The following SLC19A1 variants were observed in gnomAD, a reference collection of about 807,000 sequenced individuals.
SLC19A1 encodes solute carrier family 19 member 1.
In SLC19A1, 37 loss-of-function variants were observed where a neutral mutation model predicts 35.3. The ratio of observed to expected loss-of-function variants is 1.05; its 90% confidence interval spans 0.81 to 1.38. The LOEUF (loss-of-function observed/expected upper bound fraction) is 1.38. Ranked by LOEUF, SLC19A1 falls within the 40% of genes most tolerant of loss-of-function variation. SLC19A1 has a pLI of 0.00. For synonymous variants in SLC19A1, 460 were observed against 398.5 expected (o/e 1.15, Z -1.84); for missense variants, 831 against 826.9 (o/e 1.00, Z -0.06).
At chr21:45,508,290 AGG>A (rs2037356675), downstream of SLC19A1, among the ~76,000 whole-genome samples, 1 of 113,746 alleles carries the variant, frequency 8.8e-6, no homozygotes, top group Non-Finnish European at 1.8e-5. Context: ...GTAGATGGGG[AGG>A]TGGATGGGTG....
intron 4 of SLC19A1, among the ~76,000 whole-genome samples, chr21:45,529,345 C>T (rs1216100258): frequency 6.6e-6 from 1 of 152,192 alleles, no homozygotes; most frequent in South Asian, 2.1e-4. Context: ...TCAGCTCAAA[C>T]AGGCTCGTGA....
downstream of SLC19A1, chr21:45,510,047 C>A: frequency 6.5e-7 from 1 of 1,545,058 alleles, no homozygotes. Flanking sequence ...GCCCGTGACG[C>A]GCCCCTCTCC....
intron 2 of SLC19A1, among the ~76,000 whole-genome samples, chr21:45,532,836 T>C (rs914232): frequency 0.53 from 80,826 of 152,110 alleles, 21,941 homozygotes; most frequent in South Asian, 0.62. Context: ...AGCACAAGCT[T>C]CTTCCATCCT....
chr21:45,503,305 A>G (rs1333459140), intron 3 of SLC19A1, among the ~76,000 whole-genome samples: 1 of 151,870 alleles, frequency 6.6e-6, no homozygotes. Context: ...TTTGATTTGC[A>G]TTTCTCTGAT....
chr21:45,515,418 T>C lies in SLC19A1; in HGVS notation c.*240A>G. ...TGGACGCAGAAGCCCACCACCCACC[T>C]CTTCCAGCAACAAAGCCCGCGGGGC... On this transcript the variant is annotated 3_prime_UTR_variant, in exon 6 of 6. Transcript: ENST00000311124. The C allele has an allele frequency of 1.4e-6, 2 of 1,406,668 alleles. No homozygotes were observed. The highest frequency in any genetic ancestry group is 3.1e-5 in the Admixed American group (1 of 31,852). 87.1% of individuals were successfully genotyped at this position (1,406,668 alleles called of 1,614,324 possible).
intron 1 of SLC19A1, among the ~76,000 whole-genome samples, chr21:45,557,981 C>T (rs981509910): frequency 6.6e-6 from 1 of 152,244 alleles, no homozygotes; most frequent in Non-Finnish European, 1.5e-5. Context: ...CTCCATTCTT[C>T]GGAGGGCATG....
chr21:45,504,974 G>C (rs2037103346), intron 3 of SLC19A1, among the ~76,000 whole-genome samples: 1 of 152,074 alleles, frequency 6.6e-6, no homozygotes, highest in Non-Finnish European at 1.5e-5. Flanking sequence ...AGGGGTGATG[G>C]TGTGGGGGTT....
At chr21:45,541,566 G>C (rs1180535592) in intron 1 of SLC19A1, among the ~76,000 whole-genome samples, 3 of 152,262 alleles carry the variant, frequency 2.0e-5, no homozygotes, top group Admixed American at 6.5e-5. Flanking sequence ...GGACCCTAGG[G>C]GGATGGCTTT....
intron 1 of SLC19A1, among the ~76,000 whole-genome samples, chr21:45,538,914 G>A (rs2078219837): frequency 6.6e-6 from 1 of 152,190 alleles, no homozygotes; most frequent in South Asian, 2.1e-4. Context: ...GGCACGTGGT[G>A]GAGCAGCAGC....
chr21:45,510,673 CTTTA>C (rs1020778473), downstream of SLC19A1, among the ~76,000 whole-genome samples: 7 of 152,334 alleles, frequency 4.6e-5, no homozygotes, highest in Admixed American at 3.9e-4. Context: ...ACCCATGTGG[CTTTA>C]TTCTGTGGCC....
chr21:45,558,707 CAG>C (rs897573323), intron 1 of SLC19A1, among the ~76,000 whole-genome samples: 2 of 152,156 alleles, frequency 1.3e-5, no homozygotes, highest in African/African-American at 4.8e-5. Context: ...CAGGGCAGGA[CAG>C]AGTACGGCCA....
At chr21:45,506,605 A>G in intron 3 of SLC19A1, 1 of 179,078 alleles carries the variant, frequency 5.6e-6, no homozygotes, top group Admixed American at 5.3e-5. Flanking sequence ...TTCGTGTGGC[A>G]AAGGTGAGGA....
intron 1 of SLC19A1, among the ~76,000 whole-genome samples, chr21:45,558,700 G>A (rs2146514984): frequency 6.6e-6 from 1 of 152,330 alleles, no homozygotes; most frequent in Non-Finnish European, 1.5e-5. Context: ...TTGTTGCCAG[G>A]GCAGGACAGA....
chr21:45,510,314 TG>T (rs1266906764), downstream of SLC19A1: 2 of 1,537,282 alleles, frequency 1.3e-6, no homozygotes, highest in Admixed American at 3.9e-5. Context: ...ACTTGACCTC[TG>T]GGGTGAACTC....
chr21:45,505,906 C>T, intron 3 of SLC19A1: 2 of 1,613,036 alleles, frequency 1.2e-6, no homozygotes, highest in Non-Finnish European at 1.7e-6. Context: ...GCTGGCTCAT[C>T]TTCGTGGCCG....
Position 45,531,810 on chromosome 21 carries a change from A to C in SLC19A1, c.528T>G (p.Thr176=). 2 of 1,592,302 alleles carry C rather than the reference A, an allele frequency of 1.3e-6. No individual in the cohort carries two copies. The highest frequency in any genetic ancestry group is 2.7e-5 in the African/African-American group (2 of 74,332). The change falls in exon 3 of 6, where the codon ACT becomes ACG. Residue 176 remains threonine (T), a synonymous_variant. Transcript: ENST00000311124. Reference sequence around the variant, plus strand: ...GCGTGGAGAAGGAGACTCGGCCCACAGTGACCAGCAGCTGGCCCAGCACGG... The same window carrying C: ...GCGTGGAGAAGGAGACTCGGCCCACCGTGACCAGCAGCTGGCCCAGCACGG... ...TSSVLGQLLV[T]VGRVSFSTLN... is the part of the protein sequence containing the mutation.
At chr21:45,523,667 C>A (rs2077505514) in intron 5 of SLC19A1, among the ~76,000 whole-genome samples, 1 of 152,204 alleles carries the variant, frequency 6.6e-6, no homozygotes, top group Non-Finnish European at 1.5e-5. Context: ...GAGGCAGTCA[C>A]AGAGGGATGG....
rs1160908574 is a variant in SLC19A1, at chr21:45,542,405, A to C, written c.-87T>G. ...GGGGCGGCTGCCCTGGGGCTCCCGGACCCGGCCCCGCGCACGCGGACTCCG... is the reference window on the plus strand; with the variant it reads ...GGGGCGGCTGCCCTGGGGCTCCCGGCCCCGGCCCCGCGCACGCGGACTCCG... On this transcript the variant is annotated 5_prime_UTR_variant, in exon 1 of 6. Transcript: ENST00000311124. 1 of 150,866 alleles carries C rather than the reference A, an allele frequency of 6.6e-6. No individual in the cohort carries two copies. Among genetic ancestry groups the C allele is most frequent in the Non-Finnish European group, 1.5e-5 (1 of 67,618 alleles). 9.3% of individuals were successfully genotyped at this position (150,866 alleles called of 1,614,324 possible).
At position 45,517,775 on chromosome 21, in the gene SLC19A1, T is replaced by C. The variant is rs188386204; in HGVS notation, c.1294-1635A>G. 6.3e-4 allele frequency among the ~76,000 whole-genome samples: 95 copies of C among 151,868 alleles called. No homozygotes were observed. The highest frequency in any genetic ancestry group is 2.3e-3 in the African/African-American group (94 of 41,390). On this transcript the variant is annotated intron_variant, in intron 5 of 5. Transcript: ENST00000311124. This position sits in a 1 kb window ranked among gnomAD's most constrained non-coding sequence, Gnocchi z 4.4. ...GCATCAAGGGGGCCACGAGGGGAGC[T>C]GGACTCCCATCCTTGCCTGGCAACA...
Sources: gnomAD v4.1 joint callset for allele counts (sites outside exome capture counted in the v4.1 genomes callset) on GRCh38, gnomAD v4.1.1 for gene constraint, Gnocchi (gnomAD v3.1) non-coding constraint, MANE v1.5 for transcripts, NCBI Gene and HGNC (gene_info 2026-07-23, HGNC 2026-07-21) for gene names.